TCHH: variants seen among roughly 807,000 people sequenced by gnomAD.
The protein encoded by TCHH is trichohyalin.
A neutral mutation model predicts 6.3 loss-of-function variants in TCHH; 6 were observed. That is an observed-to-expected ratio of 0.95 (90% CI 0.52 to 1.88). TCHH has a LOEUF of 1.88. TCHH is among the 40% of genes most tolerant of loss of function. The pLI is 0.01. For synonymous variants in TCHH, 1,087 were observed against 963.6 expected (o/e 1.13, Z -2.37); for missense variants, 2,920 against 2,449.1 (o/e 1.19, Z -4.06).
rs1464184632 is a variant in TCHH at position 152,112,598 on chromosome 1, C to T, written c.619G>A (p.Glu207Lys). Residue 207 changes from glutamate (E) to lysine (K), a missense_variant, in exon 3 of 3, where the codon GAA becomes AAA. Transcript: ENST00000614923. ...KGHETEEFPDEEQLRRRELLE... is the reference protein window; with the variant it reads ...KGHETEEFPDKEQLRRRELLE... The stretch of plus-strand genomic sequence containing the variant: ...AGCTCCCGCCTTCGCAGTTGCTCTT[C>T]GTCTGGAAACTCCTCAGTTTCGTGA... The T allele has an allele frequency of 1.1e-5, 17 of 1,613,540 alleles. No homozygotes were observed. Among genetic ancestry groups the T allele is most frequent in the South Asian group, 8.8e-5 (8 of 91,054 alleles).
Position 152,111,494 on chromosome 1 carries a change from G to T in TCHH, c.1723C>A (p.Arg575Ser). 1 of 1,597,622 alleles carries T rather than the reference G, an allele frequency of 6.3e-7. No individual in the cohort carries two copies. Among genetic ancestry groups the T allele is most frequent in the African/African-American group, 1.4e-5 (1 of 69,324 alleles). ...QRLKREQEER[R>S]DQLLKREEER... ...TCCTCGCGCTTCAGCAGCTGATCGC[G>T]CCTCTCCTCCTGCTCGCGCTTCAGC... Residue 575 changes from arginine (R) to serine (S), a missense_variant, in exon 3 of 3, where the codon CGC (arginine) becomes AGC (serine). Coordinates refer to ENST00000614923, the MANE Select transcript of TCHH (RefSeq NM_007113.4).
chr1:152,110,294 C>G lies in TCHH; in HGVS notation c.2923G>C (p.Gly975Arg). The G allele has an allele frequency of 1.3e-6, 2 of 1,597,302 alleles. No homozygotes were observed. Among genetic ancestry groups the G allele is most frequent in the Non-Finnish European group, 1.7e-6 (2 of 1,173,948 alleles). The change falls in exon 3 of 3, where the codon GGA becomes CGA. Residue 975 changes from glycine to arginine, a missense_variant. Transcript: ENST00000614923. ...KLQQKEEQLL[G>R]EEPEKRRRQE... is the part of the protein sequence containing the mutation. ...CGCCTTCTCTTCTCCGGTTCCTCTC[C>G]CAGCAGCTGCTCTTCCTTCTGCTGC...
Position 152,108,211 on chromosome 1 carries a change from A to T in TCHH, c.5006T>A (p.Phe1669Tyr), listed in dbSNP as rs760442142. ...QQLRHDRDRK[F>Y]REEEQLLQEG... Reference sequence around the variant, plus strand: ...CTGGAGCAGCTGTTCCTCTTCACGGAATTTTCTGTCGCGGTCGTGACGCAG... The same window carrying T: ...CTGGAGCAGCTGTTCCTCTTCACGGTATTTTCTGTCGCGGTCGTGACGCAG... Residue 1669 changes from phenylalanine to tyrosine, a missense_variant, in exon 3 of 3, where the codon TTC becomes TAC. By Grantham distance (22) the Phe-to-Tyr change is conservative. Transcript: ENST00000614923. The T allele has an allele frequency of 6.3e-7, 1 of 1,597,244 alleles. No individual in the cohort carries two copies. The highest frequency in any genetic ancestry group is 2.3e-5 in the East Asian group (1 of 44,056).
Position 152,108,000 on chromosome 1 carries a change from C to T in TCHH, c.5217G>A (p.Gln1739=). The stretch of plus-strand genomic sequence containing the variant: ...TTCTGTAGCGTTCTTGGCGGCGCAG[C>T]TGCTCTTGCTCCGTTTCTTGGCGCA... ...EQLRQETEQE[Q]LRRQERYRKI... Residue 1739 remains glutamine (Q), a synonymous_variant, in exon 3 of 3, where the codon CAG becomes CAA. Transcript: ENST00000614923. 2 of 1,613,390 alleles carry T rather than the reference C, an allele frequency of 1.2e-6. No homozygotes were observed. The highest frequency in any genetic ancestry group is 2.2e-5 in the East Asian group (1 of 44,776).
At position 152,106,895 on chromosome 1, in the gene TCHH, T is replaced by C. The variant is rs1489921592; in HGVS notation, c.*490A>G. The C allele has an allele frequency of 6.5e-6, 1 of 153,572 alleles. No individual in the cohort carries two copies. Among genetic ancestry groups the C allele is most frequent in the Non-Finnish European group, 1.4e-5 (1 of 69,010 alleles). 9.5% of individuals were successfully genotyped at this position (153,572 alleles called of 1,614,324 possible). ...AGTTACCTGGAATTTGTGCTAACTA[T>C]GCCACAAAAGATGAAATGCTGTTTG... is the stretch of plus-strand genomic sequence containing the variant. On this transcript the variant is annotated 3_prime_UTR_variant, in exon 3 of 3. Coordinates refer to ENST00000614923, the MANE Select transcript of TCHH (RefSeq NM_007113.4).
rs1188612387 is a variant in TCHH at position 152,109,502 on chromosome 1, T to C, written c.3715A>G (p.Lys1239Glu). The change falls in exon 3 of 3, where the codon AAG (lysine) becomes GAG (glutamate). Residue 1239 changes from lysine to glutamate, a missense_variant. By Grantham distance (56) the Lys-to-Glu change is moderately conservative (BLOSUM62 1). Coordinates refer to ENST00000614923, the MANE Select transcript of TCHH (RefSeq NM_007113.4). ...PEKENAVRDN[K>E]VYCKGRENEQ... ...TTCTCTCTGCCTTTGCAGTAAACCT[T>C]GTTATCACGAACTGCATTTTCTTTT... is the stretch of plus-strand genomic sequence containing the variant. 2 of 1,614,262 alleles carry C rather than the reference T, an allele frequency of 1.2e-6. No individual in the cohort carries two copies. The highest frequency in any genetic ancestry group is 1.7e-6 in the Non-Finnish European group (2 of 1,180,050).
chr1:152,110,557 T>G lies in TCHH; in HGVS notation c.2660A>C (p.His887Pro). The G allele has an allele frequency of 6.2e-7, 1 of 1,614,188 alleles. No homozygotes were observed. The highest frequency in any genetic ancestry group is 8.5e-7 in the Non-Finnish European group (1 of 1,180,036). The change falls in exon 3 of 3, where the codon CAC becomes CCC. Residue 887 changes from histidine (H) to proline (P), a missense_variant. By Grantham distance (77) the His-to-Pro change is moderately conservative. Coordinates refer to ENST00000614923, the MANE Select transcript of TCHH (RefSeq NM_007113.4). ...TAGGGCTGGCTTGGCGTACAGCGTG[T>G]GGCGGCGTCTCTTCCTTTCTTCTTC... ...QLEEERKRRR[H>P]TLYAKPALQE...
At position 152,112,482 on chromosome 1, in the gene TCHH, CTCT is replaced by C. The variant is rs1658412153; in HGVS notation, c.732_734del (p.Glu245del). ...GGAGCACTGTCTCGCGCTTCCTCCA[CTCT>C]TTCTCTTCTTCCTCCTGGAACACTC... On this transcript the variant is annotated inframe_deletion, in exon 3 of 3. Coordinates refer to ENST00000614923, the MANE Select transcript of TCHH (RefSeq NM_007113.4). 6.8e-6 allele frequency: 11 copies of C among 1,613,254 alleles called. No homozygotes were observed. Among genetic ancestry groups the C allele is most frequent in the Non-Finnish European group, 9.3e-6 (11 of 1,179,742 alleles).
At chr1:152,113,835 G>A in intron 2 of TCHH, 108 bp downstream of exon 2, 1 of 1,304,902 alleles carries the variant, frequency 7.7e-7, no homozygotes, top group Non-Finnish European at 1.1e-6. Context: ...GTGTAGACCT[G>A]TTGTGGTGTA....
At position 152,111,612 on chromosome 1, in the gene TCHH, C is replaced by G; in HGVS notation, c.1605G>C (p.Glu535Asp). ...EERLQQRLRS[E>D]QQLRREQEER... is the part of the protein sequence containing the mutation. ...CCTCCTGCTCGCGTCTTAGTTGTTG[C>G]TCGCTCCTCAACCGCTGCTGGAGCC... Residue 535 changes from glutamate (E) to aspartate (D), a missense_variant, in exon 3 of 3, where the codon GAG becomes GAC. Transcript: ENST00000614923. The G allele has an allele frequency of 6.2e-7, 1 of 1,608,790 alleles. No individual in the cohort carries two copies.
chr1:152,106,372 T>C lies in TCHH; in HGVS notation c.*1013A>G, dbSNP rs547799604. The C allele has an allele frequency of 6.6e-6, 1 of 152,174 alleles. No homozygotes were observed. Among genetic ancestry groups the C allele is most frequent in the South Asian group, 2.1e-4 (1 of 4,832 alleles). 9.4% of individuals were successfully genotyped at this position (152,174 alleles called of 1,614,324 possible). A position where few individuals can be genotyped will look rare whatever the true frequency, so the allele number is the denominator to read the frequency against. ...CACAGTCCAATTATTTCAACAAGAA[T>C]ATATCTAAGGTATTATCAATAGGCC... On this transcript the variant is annotated 3_prime_UTR_variant, in exon 3 of 3. Coordinates refer to ENST00000614923, the MANE Select transcript of TCHH (RefSeq NM_007113.4).
chr1:152,107,244 T>C lies in TCHH; in HGVS notation c.*141A>G. On this transcript the variant is annotated 3_prime_UTR_variant, in exon 3 of 3. Transcript: ENST00000614923. ...CAAAGTGCGTAAAATGAGCGTAGTT[T>C]AAGATTTTGGAAGAAAAGACATTCT... 7 of 909,262 alleles carry C rather than the reference T, an allele frequency of 7.7e-6. No individual in the cohort carries two copies. The highest frequency in any genetic ancestry group is 1.1e-5 in the Non-Finnish European group (7 of 613,442). 56.3% of individuals were successfully genotyped at this position (909,262 alleles called of 1,614,324 possible).
Position 152,107,510 on chromosome 1 carries a change from AT to A in TCHH, c.5706del (p.Lys1902AsnfsTer44). On this transcript the variant is annotated frameshift_variant, in exon 3 of 3. Coordinates refer to ENST00000614923, the MANE Select transcript of TCHH (RefSeq NM_007113.4). LOFTEE classifies it high-confidence loss of function. Reference protein sequence around the residue: ...EQRHRQVGEIKSQEGKGHGRL... With the variant: ...EQRHRQVGEIXSQEGKGHGRL... ...CGCCCATGGCCCTTCCCTTCTTGGG[AT>A]TTTATCTCCCCGACTTGGCGGTGCC... is the stretch of plus-strand genomic sequence containing the variant. 6.2e-7 allele frequency: 1 copy of A among 1,613,982 alleles called. No individual in the cohort carries two copies. The highest frequency in any genetic ancestry group is 8.5e-7 in the Non-Finnish European group (1 of 1,179,992).
chr1:152,112,458 G>C lies in TCHH; in HGVS notation c.759C>G (p.Leu253=), dbSNP rs1406569706. 1.9e-6 allele frequency: 3 copies of C among 1,613,070 alleles called. No individual in the cohort carries two copies. The highest frequency in any genetic ancestry group is 2.5e-6 in the Non-Finnish European group (3 of 1,179,926). The stretch of plus-strand genomic sequence containing the variant: ...CCTGCAACTTCTCTTCTTCCTTCCG[G>C]AGCACTGTCTCGCGCTTCCTCCACT... ...EKEWRKRETV[L]RKEEEKLQEE... Residue 253 remains leucine (L), a synonymous_variant, in exon 3 of 3, where the codon CTC becomes CTG. Coordinates refer to ENST00000614923, the MANE Select transcript of TCHH (RefSeq NM_007113.4).
chr1:152,107,405 T>A lies in TCHH; in HGVS notation c.5812A>T (p.Arg1938Ter). 1 of 1,575,822 alleles carries A rather than the reference T, an allele frequency of 6.3e-7. No individual in the cohort carries two copies. The highest frequency in any genetic ancestry group is 8.6e-7 in the Non-Finnish European group (1 of 1,161,612). The change falls in exon 3 of 3, where the codon AGA (arginine) becomes TGA (stop). Residue 1938 changes from arginine (R) to a stop codon, truncating the protein, a stop_gained. Transcript: ENST00000614923. LOFTEE classifies it high-confidence loss of function. ...ATCACTTAAGGGCGGTATTGAGATC[T>A]CTGCTCTTGGATGTACTCATAGAGA... ...SPLYEYIQEQRSQYRP is the reference protein window; with the variant it reads ...SPLYEYIQEQ
chr1:152,108,485 C>T lies in TCHH; in HGVS notation c.4732G>A (p.Asp1578Asn), dbSNP rs776062655. 4 of 1,612,558 alleles carry T rather than the reference C, an allele frequency of 2.5e-6. No homozygotes were observed. Among genetic ancestry groups the T allele is most frequent in the East Asian group, 4.5e-5 (2 of 44,656 alleles). The change falls in exon 3 of 3, where the codon GAC becomes AAC. Residue 1578 changes from aspartate (D) to asparagine (N), a missense_variant. By Grantham distance (23) the Asp-to-Asn change is conservative. Coordinates refer to ENST00000614923, the MANE Select transcript of TCHH (RefSeq NM_007113.4). ...EEQQLSRQERDRKFRLEEQKV... is the reference protein window; with the variant it reads ...EEQQLSRQERNRKFRLEEQKV... ...TGTTCCTCTAAACGGAATTTTCTGTCACGCTCTTGGCGGCTCAGCTGCTGT... is the reference window on the plus strand; with the variant it reads ...TGTTCCTCTAAACGGAATTTTCTGTTACGCTCTTGGCGGCTCAGCTGCTGT...
Position 152,108,472 on chromosome 1 carries a change from C to G in TCHH, c.4745G>C (p.Arg1582Pro), listed in dbSNP as rs904240823. The G allele has an allele frequency of 5.6e-6, 9 of 1,609,072 alleles. No individual in the cohort carries two copies. The highest frequency in any genetic ancestry group is 2.2e-5 in the East Asian group (1 of 44,522). The change falls in exon 3 of 3, where the codon CGT becomes CCT. Residue 1582 changes from arginine (R) to proline (P), a missense_variant. Arg to Pro is a moderately radical substitution (Grantham distance 103). Coordinates refer to ENST00000614923, the MANE Select transcript of TCHH (RefSeq NM_007113.4). ...GCGGCGCACTTTCTGTTCCTCTAAACGGAATTTTCTGTCACGCTCTTGGCG... is the reference window on the plus strand; with the variant it reads ...GCGGCGCACTTTCTGTTCCTCTAAAGGGAATTTTCTGTCACGCTCTTGGCG... ...LSRQERDRKF[R>P]LEEQKVRRQE... is the part of the protein sequence containing the mutation.
Position 152,108,644 on chromosome 1 carries a change from G to A in TCHH, c.4573C>T (p.His1525Tyr), listed in dbSNP as rs2101524861. 2 of 1,611,082 alleles carry A rather than the reference G, an allele frequency of 1.2e-6. No homozygotes were observed. Among genetic ancestry groups the A allele is most frequent in the Non-Finnish European group, 1.7e-6 (2 of 1,179,544 alleles). Residue 1525 changes from histidine (H) to tyrosine (Y), a missense_variant, in exon 3 of 3, where the codon CAC (histidine) becomes TAC (tyrosine). Coordinates refer to ENST00000614923, the MANE Select transcript of TCHH (RefSeq NM_007113.4). Reference sequence around the variant, plus strand: ...AATTTTCTCTGCCGTTGCTGGCGGTGCAGCTGCTGTTCCTCCTCGAGGAAT... The same window carrying A: ...AATTTTCTCTGCCGTTGCTGGCGGTACAGCTGCTGTTCCTCCTCGAGGAAT... ...RKFLEEEQQLHRQQRQRKFLQ... is the reference protein window; with the variant it reads ...RKFLEEEQQLYRQQRQRKFLQ...
chr1:152,110,612 G>A lies in TCHH; in HGVS notation c.2605C>T (p.Arg869Cys). The stretch of plus-strand genomic sequence containing the variant: ...TGCCACCTCCATTTTTGGTCGCGGC[G>A]CTGCTCCTGGCTTCGCCTCCTCTCC... ...DQERRRSQEQ[R>C]RDQKWRWQLE... The change falls in exon 3 of 3, where the codon CGC (arginine) becomes TGC (cysteine). Residue 869 changes from arginine to cysteine, a missense_variant. Transcript: ENST00000614923. The A allele has an allele frequency of 6.2e-7, 1 of 1,614,108 alleles. No homozygotes were observed. Among genetic ancestry groups the A allele is most frequent in the Non-Finnish European group, 8.5e-7 (1 of 1,180,014 alleles).
Sources: gnomAD v4.1 joint callset for allele counts on GRCh38, gnomAD v4.1.1 for gene constraint, MANE v1.5 for transcripts, NCBI Gene and HGNC (gene_info 2026-07-23, HGNC 2026-07-21) for gene names.